The following SETD9 variants were observed in gnomAD, a reference collection of about 807,000 sequenced individuals.
The protein encoded by SETD9 is SET domain containing 9, also known as SET domain-containing protein 9.
In SETD9, 37 loss-of-function variants were observed where a neutral mutation model predicts 36.4. That is an observed-to-expected ratio of 1.02 (90% CI 0.78 to 1.34). The LOEUF is 1.34. Ranked by LOEUF, SETD9 falls within the 40% of genes most tolerant of loss-of-function variation. The pLI, the probability that SETD9 is intolerant of heterozygous loss-of-function variation, is 0.00. For missense variants in SETD9, 323 were observed against 353.2 expected, an observed-to-expected ratio of 0.91 and a Z score of 0.69; for synonymous variants, 128 against 132.9, an observed-to-expected ratio of 0.96 and a Z score of 0.26.
chr5:56,914,915 T>C lies in SETD9; in HGVS notation c.761T>C (p.Ile254Thr), dbSNP rs1749349816. The stretch of plus-strand genomic sequence containing the variant: ...TTTGATGTGCCTGCAGTTTTCCCTA[T>C]AGAACTGAAGCAGTATCTTCCAAAC... Reference protein sequence around the residue: ...QEFDVPAVFPIELKQYLPNIA... With the variant: ...QEFDVPAVFPTELKQYLPNIA... The change falls in exon 5 of 6, where the codon ATA becomes ACA. Residue 254 changes from isoleucine to threonine, a missense_variant. Physicochemically the swap from Ile to Thr is moderately conservative, Grantham distance 89. Coordinates refer to ENST00000285947, the MANE Select transcript of SETD9 (RefSeq NM_153706.4). The C allele has an allele frequency of 1.2e-6, 2 of 1,602,504 alleles. No homozygotes were observed. Among genetic ancestry groups the C allele is most frequent in the Admixed American group, 1.7e-5 (1 of 59,816 alleles).
downstream of SETD9, chr5:56,927,949 T>C (rs898788326): frequency 3.3e-5 from 5 of 152,156 alleles, no homozygotes; most frequent in Admixed American, 2.0e-4. Context: ...CAGAATATCA[T>C]ATATTTGGAA....
chr5:56,910,371 C>T (rs1190252236), intron 1 of SETD9: 1 of 1,304,034 alleles, frequency 7.7e-7, no homozygotes, highest in Non-Finnish European at 1.0e-6. Context: ...AAAAGCACGT[C>T]GGGATGGTGG....
downstream of SETD9, among the ~76,000 whole-genome samples, chr5:56,918,681 C>T (rs1041314771): frequency 1.2e-4 from 18 of 152,190 alleles, no homozygotes; most frequent in East Asian, 3.5e-3. Flanking sequence ...AAGGTCCTTT[C>T]GTGTCTGACA....
In SETD9 at chr5:56,912,302, A is replaced by G. The variant is rs74531191; in HGVS notation, c.467-709A>G. ...ACAAGATCATTAACTAGAATGCTAA[A>G]TAGACTACGTTATGTGTTAAACTAA... On this transcript the variant is annotated intron_variant, in intron 2 of 5. Transcript: ENST00000285947. 3.6e-6 allele frequency: 3 copies of G among 835,268 alleles called. No homozygotes were observed. The East Asian group carries it at 3.7e-4, about 104-fold the overall frequency. The allele number at this position is 835,268 out of a possible 1,614,324, so 51.7% of individuals were successfully genotyped here.
intron 5 of SETD9, chr5:56,923,101 C>A (rs900292759): frequency 1.3e-5 from 20 of 1,595,520 alleles, no homozygotes; most frequent in East Asian, 2.2e-5. Context: ...TGGTGCTGCA[C>A]ACGCAGTTCC....
At chr5:56,921,106 G>C (rs570858197), downstream of SETD9, 2 of 152,500 alleles carry the variant, frequency 1.3e-5, no homozygotes, top group Non-Finnish European at 2.9e-5. Context: ...ATATATTACT[G>C]CATCAGCTAC....
At chr5:56,924,253 G>GT (rs35795629) in intron 5 of SETD9, among the ~76,000 whole-genome samples, 12,342 of 149,370 alleles carry the variant, frequency 0.083, 525 homozygotes, top group East Asian at 0.14. Context: ...AAAGCCCAAG[G>GT]TTTTTTTTTT....
chr5:56,909,662 T>C lies in SETD9; in HGVS notation c.17T>C (p.Leu6Pro), dbSNP rs1255505981. 8 of 1,609,104 alleles carry C rather than the reference T, an allele frequency of 5.0e-6. No individual in the cohort carries two copies. The highest frequency in any genetic ancestry group is 6.8e-6 in the Non-Finnish European group (8 of 1,178,330). The change falls in exon 1 of 6, where the codon CTG becomes CCG. Residue 6 changes from leucine to proline, a missense_variant. Leu to Pro is a moderately conservative substitution (Grantham distance 98, BLOSUM62 -3). Coordinates refer to ENST00000285947, the MANE Select transcript of SETD9 (RefSeq NM_153706.4). The stretch of plus-strand genomic sequence containing the variant: ...GGGGCAGCCATGCCTGGCCGTCTGC[T>C]GCGGGGCCTGTGGCAGCGATGGCGC... MPGRL[L>P]RGLWQRWRRY...
Position 56,914,977 on chromosome 5 carries a change from T to C in SETD9, c.812+11T>C. On this transcript the variant is annotated intron_variant, in intron 5 of 5. Transcript: ENST00000285947. ...CTATGACAAACAAAGGTTCGTTTGC[T>C]AAAAGAGCATTTCATATCTTCTGCT... The C allele has an allele frequency of 1.3e-6, 2 of 1,569,196 alleles. No homozygotes were observed. Among genetic ancestry groups the C allele is most frequent in the Non-Finnish European group, 1.7e-6 (2 of 1,147,284 alleles).
Position 56,917,298 on chromosome 5 carries a change from T to G in SETD9, c.*396T>G. The G allele has an allele frequency of 1.0e-6, 1 of 989,976 alleles. No individual in the cohort carries two copies. Among genetic ancestry groups the G allele is most frequent in the Non-Finnish European group, 1.2e-6 (1 of 833,222 alleles). The allele number at this position is 989,976 out of a possible 1,614,324, so 61.3% of individuals were successfully genotyped here. A position where few individuals can be genotyped will look rare whatever the true frequency, so the allele number is the denominator to read the frequency against. On this transcript the variant is annotated 3_prime_UTR_variant, in exon 6 of 6. Transcript: ENST00000285947. ...ATGTGTACAAACTTCTGTAAAAACT[T>G]TATTTTTACAGAATTGAGTAAAAAA...
chr5:56,919,856 T>C (rs1351599748), downstream of SETD9: 2 of 152,644 alleles, frequency 1.3e-5, no homozygotes, highest in Non-Finnish European at 1.5e-5. Flanking sequence ...ATCTACCATA[T>C]TTAACAATAA....
chr5:56,916,777 G>A, intron 5 of SETD9, 38 bp from the exon 6 acceptor site: 1 of 1,589,416 alleles, frequency 6.3e-7, no homozygotes, highest in Non-Finnish European at 8.5e-7. Flanking sequence ...GCTTATATTT[G>A]TTAATGCTCT....
chr5:56,916,670 C>G, intron 5 of SETD9, 145 bp from the exon 6 acceptor site: 2 of 718,096 alleles, frequency 2.8e-6, no homozygotes, highest in Non-Finnish European at 4.4e-6. Flanking sequence ...GGAATAAGAA[C>G]TATTTCCTCA....
chr5:56,923,160 G>A (rs768854071), intron 5 of SETD9: 5 of 1,613,944 alleles, frequency 3.1e-6, no homozygotes, highest in Non-Finnish European at 4.2e-6. Context: ...TGCTGATGCA[G>A]AGCATGGGCA....
chr5:56,919,250 T>C (rs1749552598), downstream of SETD9, among the ~76,000 whole-genome samples: 1 of 151,350 alleles, frequency 6.6e-6, no homozygotes, highest in African/African-American at 2.4e-5. Context: ...CTCAGCCTCC[T>C]GAGTAGCTGG....
chr5:56,909,727 C>T lies in SETD9; in HGVS notation c.82C>T (p.Leu28=), dbSNP rs1481468790. 1 of 1,610,994 alleles carries T rather than the reference C, an allele frequency of 6.2e-7. No homozygotes were observed. The highest frequency in any genetic ancestry group is 8.5e-7 in the Non-Finnish European group (1 of 1,178,858). ...YRFVPWIALN[L]SHNPRTLRYV... ...CTTCGTTCCCTGGATCGCACTGAAC[C>T]TAAGCCACAACCCGAGGTGAGAGGG... is the stretch of plus-strand genomic sequence containing the variant. Residue 28 remains leucine (L), a synonymous_variant, in exon 1 of 6, where the codon CTA becomes TTA. Transcript: ENST00000285947.
Position 56,914,898 on chromosome 5 carries a change from G to A in SETD9, c.744G>A (p.Val248=). 1 of 1,602,202 alleles carries A rather than the reference G, an allele frequency of 6.2e-7. No individual in the cohort carries two copies. The change falls in exon 5 of 6, where the codon GTG becomes GTA. Residue 248 remains valine (V), a synonymous_variant. Coordinates refer to ENST00000285947, the MANE Select transcript of SETD9 (RefSeq NM_153706.4). ...AANVCYQEFD[V]PAVFPIELKQ... Reference sequence around the variant, plus strand: ...ATGTCTGTTATCAGGAATTTGATGTGCCTGCAGTTTTCCCTATAGAACTGA... The same window carrying A: ...ATGTCTGTTATCAGGAATTTGATGTACCTGCAGTTTTCCCTATAGAACTGA...
In SETD9 at chr5:56,916,964, A is replaced by AAT; in HGVS notation, c.*63_*64dup. 6.6e-7 allele frequency: 1 copy of AAT among 1,521,274 alleles called. No homozygotes were observed. Among genetic ancestry groups the AAT allele is most frequent in the Non-Finnish European group, 8.8e-7 (1 of 1,141,476 alleles). 94.2% of individuals were successfully genotyped at this position (1,521,274 alleles called of 1,614,324 possible). ...CTATTAATTCTAAGTGTTTTTTGTT[A>AAT]ATCACTTCTCTGAGTTCTACCTGTA... On this transcript the variant is annotated 3_prime_UTR_variant, in exon 6 of 6. Coordinates refer to ENST00000285947, the MANE Select transcript of SETD9 (RefSeq NM_153706.4).
At chr5:56,910,843 G>T in intron 1 of SETD9, 1 of 189,940 alleles carries the variant, frequency 5.3e-6, no homozygotes. Context: ...TCTGCCTCTG[G>T]CTCTCCCACT....
Sources: allele counts gnomAD v4.1 joint callset (sites outside exome capture counted in the v4.1 genomes callset), GRCh38; gene constraint gnomAD v4.1.1; transcripts MANE v1.5; gene names NCBI Gene and HGNC (gene_info 2026-07-23, HGNC 2026-07-21).